LRCH2: variants seen among roughly 807,000 people sequenced by gnomAD.
LRCH2 encodes the protein leucine rich repeats and calponin homology domain containing 2, also known as leucine-rich repeat and calponin homology domain-containing protein 2.
A neutral mutation model predicts 68.9 loss-of-function variants in LRCH2; 38 were observed. The observed-to-expected ratio is 0.55, with a 90% CI of 0.43 to 0.72. LRCH2 has a LOEUF of 0.72. LRCH2 is among the 30% of genes least tolerant of loss of function. The pLI is 0.00. For synonymous variants in LRCH2, 191 were observed against 208.1 expected, an observed-to-expected ratio of 0.92 and a Z score of 0.71; for missense variants, 528 against 572.9, an observed-to-expected ratio of 0.92 and a Z score of 0.80.
At chrX:115,192,076 G>T in intron 1 of LRCH2, 3 of 1,163,917 alleles carry the variant, frequency 2.6e-6, no homozygotes, top group Non-Finnish European at 3.4e-6. Flanking sequence ...CCGATCGCCC[G>T]ATGCCCACAG....
intron 1 of LRCH2, among the ~76,000 whole-genome samples, chrX:115,215,940 C>T (rs1196997256): frequency 9.0e-6 from 1 of 111,025 alleles, no homozygotes; most frequent in Non-Finnish European, 1.9e-5. Flanking sequence ...GAATCAAGGT[C>T]CTTAAAACTG....
At chrX:115,142,017 T>C (rs1223488143) in intron 14 of LRCH2, among the ~76,000 whole-genome samples, 3 of 111,933 alleles carry the variant, frequency 2.7e-5, no homozygotes, top group Non-Finnish European at 5.6e-5. Flanking sequence ...GGTGTAGCTA[T>C]ACTTATATCA....
rs11307823 is a variant in LRCH2 at position 115,111,792 on chromosome X, GT to G, written c.*1423del. On this transcript the variant is annotated 3_prime_UTR_variant, in exon 21 of 21. Transcript: ENST00000317135. The stretch of plus-strand genomic sequence containing the variant: ...TGTTCCTATACCATTTGGCACACTA[GT>G]TTTTTACCTTTTATATATACCCTTT... The G allele has an allele frequency of 0.32, 35,492 of 109,986 alleles. 4,997 individuals carry two copies. Among genetic ancestry groups the G allele is most frequent in the African/African-American group, 0.53 (15,988 of 30,110 alleles). 9.1% of individuals were successfully genotyped at this position (109,986 alleles called of 1,213,427 possible). A position where few individuals can be genotyped will look rare whatever the true frequency, so the allele number is the denominator to read the frequency against.
At chrX:115,223,937 A>G (rs1312430509) in intron 1 of LRCH2, among the ~76,000 whole-genome samples, 2 of 110,296 alleles carry the variant, frequency 1.8e-5, no homozygotes, top group Non-Finnish European at 3.8e-5. Context: ...GAAAAAAAAA[A>G]AAGAAGAAGA....
At chrX:115,129,450 C>A (rs2147351511) in intron 15 of LRCH2, among the ~76,000 whole-genome samples, 1 of 111,396 alleles carries the variant, frequency 9.0e-6, no homozygotes, top group African/African-American at 3.3e-5. Flanking sequence ...ATAGCCATAA[C>A]TGACTTTTAT....
chrX:115,176,582 G>C (rs1318601752), intron 5 of LRCH2, among the ~76,000 whole-genome samples: 2 of 106,588 alleles, frequency 1.9e-5, no homozygotes, highest in African/African-American at 6.9e-5. Flanking sequence ...TCAGATATAT[G>C]GTTTACAAAT....
Position 115,165,637 on chromosome X carries a change from A to G in LRCH2, c.1217T>C (p.Phe406Ser). 10 of 1,157,215 alleles carry G rather than the reference A, an allele frequency of 8.6e-6. No individual in the cohort carries two copies. The highest frequency in any genetic ancestry group is 1.2e-5 in the Non-Finnish European group (10 of 862,515). Residue 406 changes from phenylalanine to serine, a missense_variant, in exon 9 of 21, where the codon TTT becomes TCT. Physicochemically the swap from Phe to Ser is radical, Grantham distance 155. Transcript: ENST00000317135. Reference sequence around the variant, plus strand: ...TACATCTTCTGTGTTGGGGTCAACAAAATCATATACCTCCTGGTCTAGGTA... The same window carrying G: ...TACATCTTCTGTGTTGGGGTCAACAGAATCATATACCTCCTGGTCTAGGTA... ...DSQKDQEVYDFVDPNTEDVAV... is the reference protein window; with the variant it reads ...DSQKDQEVYDSVDPNTEDVAV...
intron 16 of LRCH2, 90 bp downstream of exon 16, chrX:115,126,753 G>T: frequency 1.5e-6 from 1 of 662,012 alleles, no homozygotes; most frequent in South Asian, 3.2e-5. Context: ...AAAAAATCAG[G>T]TTACAGAGAA....
chrX:115,230,927 G>T (rs1423872320), intron 1 of LRCH2, among the ~76,000 whole-genome samples: 1 of 109,874 alleles, frequency 9.1e-6, no homozygotes, highest in Non-Finnish European at 1.9e-5. Flanking sequence ...GATTTAATTG[G>T]TCTAGGGTGG....
At chrX:115,193,127 A>T (rs782267477) in intron 1 of LRCH2, among the ~76,000 whole-genome samples, 1 of 111,468 alleles carries the variant, frequency 9.0e-6, no homozygotes, top group Non-Finnish European at 1.9e-5. Flanking sequence ...AGTATTAAAA[A>T]CCAAACAACC....
At chrX:115,221,857 G>A (rs1438662250) in intron 1 of LRCH2, among the ~76,000 whole-genome samples, 1 of 109,147 alleles carries the variant, frequency 9.2e-6, no homozygotes, top group Non-Finnish European at 1.9e-5. Flanking sequence ...GAGGGGAAAG[G>A]GAAAAGATAA....
intron 5 of LRCH2, among the ~76,000 whole-genome samples, chrX:115,172,010 A>G (rs2072608178): frequency 9.0e-6 from 1 of 111,052 alleles, no homozygotes; most frequent in Non-Finnish European, 1.9e-5. Context: ...TCTAAGATCA[A>G]ATTCCCACTT....
chrX:115,160,114 A>C lies in LRCH2; in HGVS notation c.1464-3447T>G, dbSNP rs5946286. On this transcript the variant is annotated intron_variant, in intron 11 of 20. Transcript: ENST00000317135. ...GGGCAGATCACGAGGTCAGCAGTTC[A>C]AGACCAGCCTGGCCAACACAGTGAA... 1.3e-3 allele frequency among the ~76,000 whole-genome samples: 141 copies of C among 109,101 alleles called. 1 individual carries two copies. Among genetic ancestry groups the C allele is most frequent in the African/African-American group, 4.6e-3 (137 of 29,949 alleles). The allele number at this position is 109,101 out of a possible 115,157, so 94.7% of individuals were successfully genotyped here.
intron 1 of LRCH2, among the ~76,000 whole-genome samples, chrX:115,210,018 A>G (rs2072995508): frequency 1.8e-5 from 2 of 109,539 alleles, no homozygotes; most frequent in Admixed American, 9.7e-5. Flanking sequence ...CGTTAAAAGC[A>G]CTCAGTTTTA....
chrX:115,157,232 TAATCTC>T (rs57350397), intron 11 of LRCH2, among the ~76,000 whole-genome samples: 11,341 of 110,353 alleles, frequency 0.1, 450 homozygotes, highest in African/African-American at 0.11. Context: ...TTCTAAGTAT[TAATCTC>T]AAAGTCAAAA....
chrX:115,162,124 T>C (rs1464004822), intron 11 of LRCH2, among the ~76,000 whole-genome samples: 1 of 110,168 alleles, frequency 9.1e-6, no homozygotes, highest in Non-Finnish European at 1.9e-5. Context: ...TTTCGCCATG[T>C]TGCCCAGGCT....
intron 11 of LRCH2, among the ~76,000 whole-genome samples, chrX:115,160,605 C>T (rs1372516510): frequency 1.8e-5 from 2 of 111,549 alleles, no homozygotes; most frequent in African/African-American, 6.5e-5. Context: ...TATTTTTAAT[C>T]AAGACTAAAA....
intron 1 of LRCH2, among the ~76,000 whole-genome samples, chrX:115,209,753 T>C (rs2072993437): frequency 8.9e-6 from 1 of 111,821 alleles, no homozygotes; most frequent in South Asian, 3.8e-4. Flanking sequence ...TAGAAACCTG[T>C]TGAATGGTTT....
At chrX:115,130,753 C>T (rs1556529775) in intron 14 of LRCH2, among the ~76,000 whole-genome samples, 1 of 111,984 alleles carries the variant, frequency 8.9e-6, no homozygotes, top group Admixed American at 9.5e-5. Flanking sequence ...AACACTTGTA[C>T]TAGTGCTTGC....
Sources: gnomAD v4.1 joint callset for allele counts (sites outside exome capture counted in the v4.1 genomes callset) on GRCh38, gnomAD v4.1.1 for gene constraint, MANE v1.5 for transcripts, NCBI Gene and HGNC (gene_info 2026-07-23, HGNC 2026-07-21) for gene names.